Variants in LIN9 observed in about 807,000 individuals in gnomAD.
LIN9 encodes lin-9 DREAM MuvB core complex component, also known as protein lin-9 homolog.
A neutral mutation model predicts 78.0 loss-of-function variants in LIN9; 18 were observed. The observed-to-expected ratio is 0.23, with a 90% CI of 0.16 to 0.34. The LOEUF (loss-of-function observed/expected upper bound fraction) is 0.34. Among genes scored for constraint, LIN9 ranks in the 10% least tolerant of loss-of-function variants. The pLI is 1.00. For synonymous variants in LIN9, 192 were observed against 215.2 expected, an observed-to-expected ratio of 0.89 and a Z score of 0.94; for missense variants, 451 against 644.1, an observed-to-expected ratio of 0.70 and a Z score of 3.25.
At chr1:226,302,016 C>T (rs981037918) in intron 1 of LIN9, among the ~76,000 whole-genome samples, 4 of 152,322 alleles carry the variant, frequency 2.6e-5, no homozygotes, top group South Asian at 2.1e-4. Flanking sequence ...CGGCAGTGAG[C>T]TGTGACCGTG....
At chr1:226,278,620 TC>T (rs1451843307) in intron 6 of LIN9, among the ~76,000 whole-genome samples, 4 of 144,780 alleles carry the variant, frequency 2.8e-5, no homozygotes, top group Non-Finnish European at 6.0e-5. Context: ...GGTCAGGAGT[TC>T]GAGACTAACC....
At chr1:226,283,585 T>A (rs967594386) in intron 6 of LIN9, among the ~76,000 whole-genome samples, 75 of 152,262 alleles carry the variant, frequency 4.9e-4, no homozygotes, top group African/African-American at 1.8e-3. Flanking sequence ...TTTTTGGCCA[T>A]GTAAAACGTT....
intron 1 of LIN9, among the ~76,000 whole-genome samples, chr1:226,307,529 G>A (rs145639425): frequency 1.4e-3 from 208 of 152,284 alleles, no homozygotes; most frequent in African/African-American, 4.6e-3. Flanking sequence ...CCAGCTATTC[G>A]GGAGGCTGAG....
intron 1 of LIN9, among the ~76,000 whole-genome samples, chr1:226,305,130 G>A (rs539255805): frequency 4.6e-5 from 7 of 151,114 alleles, no homozygotes; most frequent in East Asian, 3.9e-4. Context: ...AGACTGCACC[G>A]CTGCACTCCA....
At chr1:226,301,269 G>T in intron 1 of LIN9, 64 bp from the exon 2 acceptor site, 1 of 1,255,036 alleles carries the variant, frequency 8.0e-7, no homozygotes, top group Non-Finnish European at 1.1e-6. Context: ...AAAAGACCTT[G>T]GTTTGGGGGT....
At chr1:226,302,662 AAAT>A (rs1253324624) in intron 1 of LIN9, among the ~76,000 whole-genome samples, 1 of 152,256 alleles carries the variant, frequency 6.6e-6, no homozygotes, top group Non-Finnish European at 1.5e-5. Context: ...GTCATCTGAA[AAAT>A]AATAATTAAG....
At chr1:226,279,678 G>A (rs931403524) in intron 6 of LIN9, among the ~76,000 whole-genome samples, 5 of 149,768 alleles carry the variant, frequency 3.3e-5, no homozygotes, top group East Asian at 1.9e-4. Context: ...GGGAGGCTGA[G>A]GCGGGAGGAT....
At chr1:226,280,031 T>C (rs1660943085) in intron 6 of LIN9, among the ~76,000 whole-genome samples, 1 of 152,196 alleles carries the variant, frequency 6.6e-6, no homozygotes, top group South Asian at 2.1e-4. Flanking sequence ...CACACCAATA[T>C]AGCAGTTAAA....
intron 1 of LIN9, among the ~76,000 whole-genome samples, chr1:226,302,751 G>T (rs1662642929): frequency 6.6e-6 from 1 of 152,154 alleles, no homozygotes; most frequent in African/African-American, 2.4e-5. Flanking sequence ...AATCCTCCTT[G>T]CTATTTAACA....
At chr1:226,305,736 G>A (rs1356280210) in intron 1 of LIN9, among the ~76,000 whole-genome samples, 1 of 152,110 alleles carries the variant, frequency 6.6e-6, no homozygotes, top group Non-Finnish European at 1.5e-5. Flanking sequence ...GATAGAATGA[G>A]GGGACAAGTG....
intron 11 of LIN9, among the ~76,000 whole-genome samples, chr1:226,248,831 A>C (rs953785704): frequency 6.6e-6 from 1 of 152,216 alleles, no homozygotes; most frequent in Non-Finnish European, 1.5e-5. Context: ...TCATTTCATA[A>C]TATTTGAATT....
intron 6 of LIN9, among the ~76,000 whole-genome samples, chr1:226,286,037 G>A (rs1276985614): frequency 6.6e-6 from 1 of 152,116 alleles, no homozygotes; most frequent in Non-Finnish European, 1.5e-5. Context: ...ATTCTGAAAA[G>A]TTATGTTTTG....
intron 1 of LIN9, among the ~76,000 whole-genome samples, chr1:226,304,427 G>C (rs964392019): frequency 6.6e-6 from 1 of 152,124 alleles, no homozygotes; most frequent in Non-Finnish European, 1.5e-5. Context: ...TTACCCCAAA[G>C]AACAAGACAA....
chr1:226,290,578 G>A (rs1661707224), intron 4 of LIN9, among the ~76,000 whole-genome samples: 1 of 152,008 alleles, frequency 6.6e-6, no homozygotes. Flanking sequence ...CTGACCTCGT[G>A]ATCCGCCCAC....
chr1:226,278,004 T>C (rs1558187619), intron 6 of LIN9, 72 bp from the exon 7 acceptor site: 2 of 1,287,974 alleles, frequency 1.6e-6, no homozygotes, highest in Non-Finnish European at 2.1e-6. Context: ...TTTTTTTTTC[T>C]TTTTTTGAGA....
intron 11 of LIN9, among the ~76,000 whole-genome samples, chr1:226,250,243 TAATA>T (rs1338890708): frequency 2.0e-5 from 3 of 152,026 alleles, no homozygotes; most frequent in Non-Finnish European, 2.9e-5. Context: ...ACTCATTAGA[TAATA>T]AATTAGGATA....
chr1:226,293,436 C>T (rs1311358723), intron 4 of LIN9, among the ~76,000 whole-genome samples: 3 of 152,220 alleles, frequency 2.0e-5, no homozygotes, highest in African/African-American at 7.2e-5. Flanking sequence ...ATCCTAGTAA[C>T]ATAGCTATTC....
At chr1:226,249,999 G>A (rs925229703) in intron 11 of LIN9, among the ~76,000 whole-genome samples, 3 of 151,876 alleles carry the variant, frequency 2.0e-5, no homozygotes, top group African/African-American at 4.8e-5. Flanking sequence ...GCGAAACCCC[G>A]TCTCTACTAA....
rs770169450 is a variant in LIN9, at chr1:226,258,894, CAAAAAAAAAAAAAAAA to C, written c.1038+6623_1038+6638del. On this transcript the variant is annotated intron_variant, in intron 10 of 14. Coordinates refer to ENST00000681046, the MANE Select transcript of LIN9 (RefSeq NM_001366245.2). ...GTGACAGAGCAAGACTCTGTCTCAA[CAAAAAAAAAAAAAAAA>C]AAAAAAAAAAAAAAGGCATTACATA... is the stretch of plus-strand genomic sequence containing the variant. Among the ~76,000 whole-genome samples, 36 of 54,778 alleles carry C rather than the reference CAAAAAAAAAAAAAAAA, an allele frequency of 6.6e-4. 2 individuals are homozygous for C. Among genetic ancestry groups the C allele is most frequent in the South Asian group, 6.2e-3 (7 of 1,132 alleles). The allele number at this position is 54,778 out of a possible 152,430, so 35.9% of individuals were successfully genotyped here. A position where few individuals can be genotyped will look rare whatever the true frequency, so the allele number is the denominator to read the frequency against.
Sources: allele counts gnomAD v4.1 joint callset (sites outside exome capture counted in the v4.1 genomes callset), GRCh38; gene constraint gnomAD v4.1.1; transcripts MANE v1.5; gene names NCBI Gene and HGNC (gene_info 2026-07-23, HGNC 2026-07-21).